Variants in GLS observed in about 807,000 individuals in gnomAD.
The protein encoded by GLS is glutaminase.
In GLS, 36 loss-of-function variants were observed where a neutral mutation model predicts 86.7. The observed-to-expected ratio is 0.42, with a 90% CI of 0.32 to 0.55. The LOEUF is 0.55. GLS is among the 20% of genes least tolerant of loss of function. The pLI, the probability that GLS is intolerant of heterozygous loss-of-function variation, is 0.17. For synonymous variants in GLS, 317 were observed against 305.9 expected, an observed-to-expected ratio of 1.04 and a Z score of -0.38; for missense variants, 528 against 833.4, an observed-to-expected ratio of 0.63 and a Z score of 4.51.
At chr2:190,959,894 C>CA (rs1468587938) in intron 17 of GLS, among the ~76,000 whole-genome samples, 2 of 152,132 alleles carry the variant, frequency 1.3e-5, no homozygotes, top group Non-Finnish European at 2.9e-5. Flanking sequence ...TGGTTGGAAT[C>CA]AGTTTCAGAA....
Position 190,949,336 on chromosome 2 carries a change from C to G in GLS, c.1651-4229C>G, listed in dbSNP as rs1313915031. ...GAGGTTTTGGAGGGTGGAAGAAGGA[C>G]CAGAAGCAGAGGCATCAGTTAATGA... On this transcript the variant is annotated intron_variant, in intron 14 of 17. Coordinates refer to ENST00000320717, the MANE Select transcript of GLS (RefSeq NM_014905.5). The surrounding 1 kb of genome is among the most constrained non-coding windows in gnomAD (Gnocchi z 4.0). Among the ~76,000 whole-genome samples, 1 of 151,978 alleles carries G rather than the reference C, an allele frequency of 6.6e-6. No individual in the cohort carries two copies. The highest frequency in any genetic ancestry group is 2.4e-5 in the African/African-American group (1 of 41,364).
chr2:190,950,539 G>C (rs1008266550), intron 14 of GLS, among the ~76,000 whole-genome samples: 1 of 152,204 alleles, frequency 6.6e-6, no homozygotes, highest in Non-Finnish European at 1.5e-5. Context: ...TCTGTATGGT[G>C]AATTTGTCTG....
intron 1 of GLS, among the ~76,000 whole-genome samples, chr2:190,882,739 T>G (rs942285682): frequency 5.3e-5 from 8 of 152,236 alleles, no homozygotes. Context: ...TATTTTGTGA[T>G]GTTGGTTTTG....
Position 190,923,897 on chromosome 2 carries a change from G to GA in GLS, c.1131-20_1131-19insA. The GA allele has an allele frequency of 3.4e-6, 5 of 1,456,498 alleles. No individual in the cohort carries two copies. The highest frequency in any genetic ancestry group is 4.8e-6 in the Non-Finnish European group (5 of 1,048,754). The allele number at this position is 1,456,498 out of a possible 1,614,324, so 90.2% of individuals were successfully genotyped here. On this transcript the variant is annotated intron_variant, in intron 9 of 17. Coordinates refer to ENST00000320717, the MANE Select transcript of GLS (RefSeq NM_014905.5). ...TTTAAAGAAAGTACATAGAGCAAAT[G>GA]TTTTTTTTTCTTCTTCCAGGTTTCA... is the stretch of plus-strand genomic sequence containing the variant.
rs1690795659 is a variant in GLS at position 190,954,092 on chromosome 2, A to C, written c.1712+466A>C. On this transcript the variant is annotated intron_variant, in intron 15 of 17. Coordinates refer to ENST00000320717, the MANE Select transcript of GLS (RefSeq NM_014905.5). The surrounding 1 kb of genome is among the most constrained non-coding windows in gnomAD (Gnocchi z 4.0). ...GGTCTTTTGTGTAGAGTTGTAACTT[A>C]TTTTCTTTTTTTTTTCTCCCATTAA... Among the ~76,000 whole-genome samples the C allele has an allele frequency of 6.9e-6, 1 of 145,368 alleles. No homozygotes were observed. The highest frequency in any genetic ancestry group is 2.1e-4 in the East Asian group (1 of 4,712).
intron 3 of GLS, among the ~76,000 whole-genome samples, chr2:190,898,601 A>G (rs1688828860): frequency 6.6e-6 from 1 of 152,208 alleles, no homozygotes; most frequent in South Asian, 2.1e-4. Flanking sequence ...AACATTTGTA[A>G]AGTTTCACTG....
At chr2:190,937,840 G>GTTT (rs1197759246) in intron 14 of GLS, among the ~76,000 whole-genome samples, 13 of 128,382 alleles carry the variant, frequency 1.0e-4, no homozygotes, top group East Asian at 4.5e-4. Context: ...GAATCTGTGG[G>GTTT]TTTTTTTTTT....
intron 14 of GLS, among the ~76,000 whole-genome samples, chr2:190,939,405 G>GC (rs1180849924): frequency 1.3e-5 from 2 of 151,596 alleles, no homozygotes; most frequent in Non-Finnish European, 3.0e-5. Flanking sequence ...AATTTAAACT[G>GC]CCTGAGTAGC....
rs753046460 is a variant in GLS, at chr2:190,881,075, A to C, written c.-10A>C. ...TCCCCTGTTGAGCGGGCGCTGACGG[A>C]CCCGGCGGCATGATGCGGCTGCGAG... On this transcript the variant is annotated 5_prime_UTR_variant, in exon 1 of 18. Transcript: ENST00000320717. 2.6e-6 allele frequency: 4 copies of C among 1,550,760 alleles called. No homozygotes were observed. In the East Asian group the frequency reaches 7.2e-5, roughly 28 times the overall value.
chr2:190,881,655 C>T (rs1688194412), intron 1 of GLS, 185 bp downstream of exon 1: 3 of 547,510 alleles, frequency 5.5e-6, no homozygotes, highest in South Asian at 5.0e-5. Flanking sequence ...CCTTCCCCGC[C>T]CGCAACCCTC....
intron 14 of GLS, among the ~76,000 whole-genome samples, chr2:190,942,616 GT>G (rs1212802866): frequency 6.6e-6 from 1 of 152,152 alleles, no homozygotes; most frequent in Admixed American, 6.5e-5. Flanking sequence ...TGACTACCAG[GT>G]TTTTAGTATG....
intron 5 of GLS, among the ~76,000 whole-genome samples, chr2:190,903,299 A>G (rs1484486108): frequency 6.6e-6 from 1 of 152,228 alleles, no homozygotes; most frequent in East Asian, 1.9e-4. Flanking sequence ...TCTGAGGACC[A>G]TAGTTGACAT....
At position 190,947,833 on chromosome 2, in the gene GLS, G is replaced by T. The variant is rs986819179; in HGVS notation, c.1651-5732G>T. 3.9e-5 allele frequency among the ~76,000 whole-genome samples: 6 copies of T among 152,156 alleles called. No homozygotes were observed. Among genetic ancestry groups the T allele is most frequent in the Admixed American group, 3.9e-4 (6 of 15,268 alleles). On this transcript the variant is annotated intron_variant, in intron 14 of 17. Transcript: ENST00000320717. This position sits in a 1 kb window ranked among gnomAD's most constrained non-coding sequence, Gnocchi z 5.0. The stretch of plus-strand genomic sequence containing the variant: ...GGAGGTGGATGACTGATCTTCTAGA[G>T]TGCCCCTCTCCTTCAGTTTGTTTGC...
intron 14 of GLS, among the ~76,000 whole-genome samples, chr2:190,944,032 C>G (rs374837298): frequency 9.2e-5 from 14 of 152,162 alleles, no homozygotes; most frequent in African/African-American, 3.4e-4. Flanking sequence ...GGACCTTAAA[C>G]TCTGAATTGA....
intron 1 of GLS, among the ~76,000 whole-genome samples, chr2:190,883,807 G>C (rs1261243062): frequency 6.6e-6 from 1 of 152,170 alleles, no homozygotes; most frequent in Non-Finnish European, 1.5e-5. Context: ...AATTTCATCA[G>C]TTCACATGGC....
At chr2:190,945,054 T>C (rs1445700276) in intron 14 of GLS, among the ~76,000 whole-genome samples, 1 of 64,322 alleles carries the variant, frequency 1.6e-5, no homozygotes, top group African/African-American at 5.7e-5. Context: ...TGTTAGGAAA[T>C]TGCTTGACCC....
intron 7 of GLS, among the ~76,000 whole-genome samples, chr2:190,912,620 A>G (rs184218174): frequency 6.6e-6 from 1 of 152,230 alleles, no homozygotes; most frequent in Non-Finnish European, 1.5e-5. Flanking sequence ...ACTTTATATA[A>G]CGGAGGAAAC....
In GLS at chr2:190,921,106, G is replaced by C. The variant is rs750380602; in HGVS notation, c.1072-39G>C. The C allele has an allele frequency of 7.0e-6, 11 of 1,582,038 alleles. No individual in the cohort carries two copies. In the Admixed American group the frequency reaches 1.8e-4, roughly 26 times the overall value. On this transcript the variant is annotated intron_variant, in intron 8 of 17. Coordinates refer to ENST00000320717, the MANE Select transcript of GLS (RefSeq NM_014905.5). The surrounding 1 kb of genome is among the most constrained non-coding windows in gnomAD (Gnocchi z 4.2). The stretch of plus-strand genomic sequence containing the variant: ...TTCATGCCACATTCTCTATATATTT[G>C]TTTTTTGATTACTAATATTCCCTAC...
chr2:190,958,123 G>C (rs138052797), intron 17 of GLS, among the ~76,000 whole-genome samples: 2 of 152,058 alleles, frequency 1.3e-5, no homozygotes, highest in East Asian at 3.9e-4. Flanking sequence ...ACTTGTTATC[G>C]GTCTATTCAG....
Sources: allele counts gnomAD v4.1 joint callset (sites outside exome capture counted in the v4.1 genomes callset), GRCh38; gene constraint gnomAD v4.1.1; non-coding constraint Gnocchi (gnomAD v3.1); transcripts MANE v1.5; gene names NCBI Gene and HGNC (gene_info 2026-07-23, HGNC 2026-07-21).